The following OPCML variants were observed in gnomAD, a reference collection of about 807,000 sequenced individuals.
OPCML encodes the protein opioid binding protein/cell adhesion molecule like.
OPCML carries 13 observed loss-of-function variants against 37.8 expected under a neutral mutation model. The ratio of observed to expected loss-of-function variants is 0.34; its 90% confidence interval spans 0.22 to 0.55. The LOEUF is 0.55. OPCML is among the 20% of genes least tolerant of loss of function. The pLI is 0.91. For synonymous variants in OPCML, 176 were observed against 168.8 expected (o/e 1.04, Z -0.33); for missense variants, 341 against 435.6 (o/e 0.78, Z 1.93).
At chr11:132,551,359 G>A (rs934997308) in intron 3 of OPCML, among the ~76,000 whole-genome samples, 7 of 152,112 alleles carry the variant, frequency 4.6e-5, no homozygotes, top group African/African-American at 1.4e-4. Flanking sequence ...CTGGGCATAG[G>A]CTGAACTAAC....
At chr11:133,108,678 C>CAAG (rs1949200927) in intron 1 of OPCML, among the ~76,000 whole-genome samples, 1 of 152,120 alleles carries the variant, frequency 6.6e-6, no homozygotes, top group Non-Finnish European at 1.5e-5. Context: ...CCCCTTTACT[C>CAAG]TTCTGTTCAT....
chr11:132,938,084 A>C (rs1195021592), intron 2 of OPCML, among the ~76,000 whole-genome samples: 1 of 151,968 alleles, frequency 6.6e-6, no homozygotes, highest in East Asian at 1.9e-4. Context: ...AAGACAATAA[A>C]ATTGTTTAGA....
In OPCML at chr11:132,943,275, T is replaced by C. The variant is rs1945648257; in HGVS notation, c.62-265A>G. On this transcript the variant is annotated intron_variant, in intron 1 of 7. Coordinates refer to ENST00000524381, the MANE Select transcript of OPCML (RefSeq NM_001012393.5). The surrounding 1 kb of genome is among the most constrained non-coding windows in gnomAD (Gnocchi z 4.3). ...AGTCTGAGAATTCTTCCTCAGATCC[T>C]GCCTCAGCTTTCCAGCCTAGCAGAA... 1 of 870,472 alleles carries C rather than the reference T, an allele frequency of 1.1e-6. No homozygotes were observed. 53.9% of individuals were successfully genotyped at this position (870,472 alleles called of 1,614,324 possible).
intron 2 of OPCML, among the ~76,000 whole-genome samples, chr11:132,761,248 T>C (rs1246677509): frequency 6.7e-6 from 1 of 148,656 alleles, no homozygotes; most frequent in Non-Finnish European, 1.5e-5. Flanking sequence ...TTTTTTTTTT[T>C]CATTTCAACC....
At chr11:132,832,618 G>T (rs1940760960) in intron 2 of OPCML, among the ~76,000 whole-genome samples, 1 of 152,176 alleles carries the variant, frequency 6.6e-6, no homozygotes, top group South Asian at 2.1e-4. Context: ...TCATACATAT[G>T]CCTAATCATG....
At chr11:132,586,483 A>G (rs1348013748) in intron 3 of OPCML, among the ~76,000 whole-genome samples, 1 of 152,198 alleles carries the variant, frequency 6.6e-6, no homozygotes, top group Non-Finnish European at 1.5e-5. Flanking sequence ...GGGGCTTGTT[A>G]TGTGGTCAGT....
At chr11:132,613,452 C>T (rs1938790723) in intron 3 of OPCML, among the ~76,000 whole-genome samples, 1 of 152,174 alleles carries the variant, frequency 6.6e-6, no homozygotes, top group Non-Finnish European at 1.5e-5. Context: ...AAAACAAAGC[C>T]AGCTAATTGA....
chr11:132,484,773 A>G (rs1193631617), intron 4 of OPCML, among the ~76,000 whole-genome samples: 2 of 152,158 alleles, frequency 1.3e-5, no homozygotes, highest in Non-Finnish European at 2.9e-5. Context: ...TTGTAGGGAC[A>G]TGGATGAAAC....
intron 2 of OPCML, among the ~76,000 whole-genome samples, chr11:132,924,324 TG>T (rs1944919064): frequency 1.3e-5 from 2 of 152,104 alleles, no homozygotes; most frequent in Non-Finnish European, 2.9e-5. Context: ...TTTCTTGAAA[TG>T]GGGTCTAGGT....
chr11:132,548,185 G>C (rs2096373172), intron 3 of OPCML, among the ~76,000 whole-genome samples: 1 of 152,150 alleles, frequency 6.6e-6, no homozygotes, highest in Non-Finnish European at 1.5e-5. Flanking sequence ...AAGCTTACCT[G>C]GGGAAGGCAT....
rs146451999 is a variant in OPCML at position 132,666,980 on chromosome 11, T to C, written c.147-9661A>G. ...CATTGCATCCCTATAGATGTGAGAG[T>C]ACAGTCACATGATGAAAGGGTCTGC... On this transcript the variant is annotated intron_variant, in intron 2 of 7. Transcript: ENST00000524381. Among the ~76,000 whole-genome samples the C allele has an allele frequency of 9.2e-5, 14 of 152,124 alleles. No homozygotes were observed. In the East Asian group the frequency reaches 2.5e-3, roughly 27 times the overall value.
chr11:133,027,732 G>T (rs1468144541), intron 1 of OPCML, among the ~76,000 whole-genome samples: 1 of 33,652 alleles, frequency 3.0e-5, no homozygotes, highest in Non-Finnish European at 6.3e-5. Context: ...CATATGTGAT[G>T]TGACTGTGTG....
chr11:132,614,699 T>C (rs1487056084), intron 3 of OPCML, among the ~76,000 whole-genome samples: 2 of 152,204 alleles, frequency 1.3e-5, no homozygotes, highest in South Asian at 2.1e-4. Flanking sequence ...ATTCAATCTA[T>C]ATTCACAGGT....
intron 1 of OPCML, chr11:133,024,540 T>G: frequency 2.0e-5 from 20 of 985,378 alleles, no homozygotes; most frequent in Non-Finnish European, 2.4e-5. Flanking sequence ...TAATATACCC[T>G]TTGCACGTAA....
chr11:132,488,084 T>C (rs2096205471), intron 4 of OPCML, among the ~76,000 whole-genome samples: 2 of 152,184 alleles, frequency 1.3e-5, no homozygotes, highest in Non-Finnish European at 2.9e-5. Context: ...ACCCTGGGCC[T>C]CCCCAACCGC....
chr11:133,006,795 C>T (rs758845632), intron 1 of OPCML: 43 of 985,334 alleles, frequency 4.4e-5, no homozygotes, highest in Non-Finnish European at 5.2e-5. Context: ...CAGGTCCTGC[C>T]TTCCACTCTA....
At chr11:133,219,373 A>G (rs1185968089) in intron 1 of OPCML, among the ~76,000 whole-genome samples, 1 of 152,246 alleles carries the variant, frequency 6.6e-6, no homozygotes, top group Non-Finnish European at 1.5e-5. Context: ...ACTAGCCACC[A>G]CTTACATGTA....
chr11:132,657,352 A>G (rs1450791656), intron 2 of OPCML, 33 bp from the exon 3 acceptor site: 9 of 1,610,404 alleles, frequency 5.6e-6, no homozygotes, highest in Non-Finnish European at 5.1e-6. Context: ...GGAGGGAGGA[A>G]GAAGGGAAAG....
chr11:133,320,740 A>C (rs546303868), intron 1 of OPCML, among the ~76,000 whole-genome samples: 126 of 152,326 alleles, frequency 8.3e-4, no homozygotes, highest in African/African-American at 2.8e-3. Flanking sequence ...AATAAACAGT[A>C]TGGGTCACCC....
Sources: allele counts gnomAD v4.1 joint callset (sites outside exome capture counted in the v4.1 genomes callset), GRCh38; gene constraint gnomAD v4.1.1; non-coding constraint Gnocchi (gnomAD v3.1); transcripts MANE v1.5; gene names NCBI Gene and HGNC (gene_info 2026-07-23, HGNC 2026-07-21).